The following ZNF366 variants were observed in gnomAD, a reference collection of about 807,000 sequenced individuals.
ZNF366 encodes zinc finger protein 366, also known as dendritic cell-specific transcript protein.
A neutral mutation model predicts 47.2 loss-of-function variants in ZNF366; 20 were observed. The ratio of observed to expected loss-of-function variants is 0.42; its 90% CI spans 0.30 to 0.62. The LOEUF is 0.62. Among genes scored for constraint, ZNF366 ranks in the 20% least tolerant of loss-of-function variants. The probability of loss-of-function intolerance (pLI) is 0.16; values close to 1 mark genes in which losing one functional copy is unlikely to be tolerated. For missense variants in ZNF366, 987 were observed against 976.3 expected, an observed-to-expected ratio of 1.01 and a Z score of -0.15; for synonymous variants, 421 against 395.1, an observed-to-expected ratio of 1.07 and a Z score of -0.78.
intron 1 of ZNF366, among the ~76,000 whole-genome samples, chr5:72,503,774 C>T (rs764475292): frequency 1.3e-5 from 2 of 152,218 alleles, no homozygotes; most frequent in Non-Finnish European, 2.9e-5. Context: ...AACTCAGCTT[C>T]GATTTGTCCC....
intron 1 of ZNF366, among the ~76,000 whole-genome samples, chr5:72,496,149 C>A (rs1230707807): frequency 2.0e-5 from 3 of 151,786 alleles, no homozygotes; most frequent in Admixed American, 6.6e-5. Flanking sequence ...ATATACAATT[C>A]ATATGTTTTA....
Position 72,443,103 on chromosome 5 carries a change from A to G in ZNF366, c.*653T>C, listed in dbSNP as rs1742890026. 2 of 152,226 alleles carry G rather than the reference A, an allele frequency of 1.3e-5. No homozygotes were observed. Among genetic ancestry groups the G allele is most frequent in the African/African-American group, 4.8e-5 (2 of 41,438 alleles). The allele number at this position is 152,226 out of a possible 1,614,324, so 9.4% of individuals were successfully genotyped here. ...TATCATCTGAAAAATAATGCTCCAAATGCTCAATCTGATGAAGACAGCCGA... is the reference window on the plus strand; with the variant it reads ...TATCATCTGAAAAATAATGCTCCAAGTGCTCAATCTGATGAAGACAGCCGA... On this transcript the variant is annotated 3_prime_UTR_variant, in exon 5 of 5. Coordinates refer to ENST00000318442, the MANE Select transcript of ZNF366 (RefSeq NM_152625.3).
intron 1 of ZNF366, among the ~76,000 whole-genome samples, chr5:72,469,342 T>G (rs1743497074): frequency 6.6e-6 from 1 of 152,226 alleles, no homozygotes; most frequent in Admixed American, 6.5e-5. Flanking sequence ...TTACTGAATT[T>G]AAATTAAAAA....
intron 3 of ZNF366, among the ~76,000 whole-genome samples, chr5:72,453,158 G>A (rs555715981): frequency 5.3e-5 from 8 of 152,320 alleles, no homozygotes; most frequent in African/African-American, 1.9e-4. Flanking sequence ...GCACTGGGCT[G>A]GAGAAGATCA....
At chr5:72,476,600 T>A (rs1483563828) in intron 1 of ZNF366, among the ~76,000 whole-genome samples, 1 of 152,180 alleles carries the variant, frequency 6.6e-6, no homozygotes, top group African/African-American at 2.4e-5. Context: ...TTTTTCTGTA[T>A]GTCAAGATTG....
Position 72,470,351 on chromosome 5 carries a change from C to T in ZNF366, c.-14-8841G>A, listed in dbSNP as rs551731109. On this transcript the variant is annotated intron_variant, in intron 1 of 4. Transcript: ENST00000318442. ...TCTTTGACATTTCATTGGCTGTATC[C>T]GCCATATTGCTGCAAGATTCTGCAG... 2.6e-4 allele frequency among the ~76,000 whole-genome samples: 40 copies of T among 152,308 alleles called. No homozygotes were observed. In the South Asian group the frequency reaches 4.8e-3, roughly 18 times the overall value.
Position 72,461,110 on chromosome 5 carries a change from G to A in ZNF366, c.387C>T (p.Ile129=). ...ATTGGAAGCCCACGTTGCACAGGTCGATCATCTGAGAGTCATACTTGGGGC... is the reference window on the plus strand; with the variant it reads ...ATTGGAAGCCCACGTTGCACAGGTCAATCATCTGAGAGTCATACTTGGGGC... The part of the protein sequence containing the change: ...PPRPKYDSQM[I]DLCNVGFQFY... The change falls in exon 2 of 5, where the codon ATC becomes ATT. Residue 129 remains isoleucine, a synonymous_variant. Coordinates refer to ENST00000318442, the MANE Select transcript of ZNF366 (RefSeq NM_152625.3). 1.9e-6 allele frequency: 3 copies of A among 1,614,094 alleles called. No individual in the cohort carries two copies. Among genetic ancestry groups the A allele is most frequent in the Non-Finnish European group, 2.5e-6 (3 of 1,180,018 alleles).
chr5:72,498,954 G>A (rs951751495), intron 1 of ZNF366, among the ~76,000 whole-genome samples: 1 of 152,204 alleles, frequency 6.6e-6, no homozygotes, highest in Non-Finnish European at 1.5e-5. Flanking sequence ...TTAAAGATGT[G>A]ATGCTGAAAT....
intron 1 of ZNF366, among the ~76,000 whole-genome samples, chr5:72,498,243 ATTTAT>A: frequency 6.6e-6 from 1 of 152,178 alleles, no homozygotes; most frequent in East Asian, 1.9e-4. Context: ...TCTATCTGGA[ATTTAT>A]TTTAATTTAA....
chr5:72,452,878 C>G lies in ZNF366; in HGVS notation c.1524+3526G>C, dbSNP rs138922071. ...CCAAATCAACCCCTGTGTGCTTACC[C>G]AGAATCTGGGAAGCATATTTCTGAA... On this transcript the variant is annotated intron_variant, in intron 3 of 4. Coordinates refer to ENST00000318442, the MANE Select transcript of ZNF366 (RefSeq NM_152625.3). Among the ~76,000 whole-genome samples the G allele has an allele frequency of 1.5e-4, 23 of 152,294 alleles. No homozygotes were observed. In the East Asian group the frequency reaches 4.4e-3, roughly 29 times the overall value.
Position 72,461,401 on chromosome 5 carries a change from C to T in ZNF366, c.96G>A (p.Val32=), listed in dbSNP as rs756079960. Residue 32 remains valine (V), a synonymous_variant, in exon 2 of 5, where the codon GTG becomes GTA. Coordinates refer to ENST00000318442, the MANE Select transcript of ZNF366 (RefSeq NM_152625.3). ...TPSFPHCLQP[V]ASRGKAPQRH... ...TTTGGGGAGCCTTTCCCCGAGAAGC[C>T]ACTGGCTGCAGGCAGTGGGGAAAGG... The T allele has an allele frequency of 2.9e-5, 46 of 1,613,566 alleles. No homozygotes were observed. The highest frequency in any genetic ancestry group is 3.5e-5 in the Non-Finnish European group (41 of 1,179,690).
intron 1 of ZNF366, among the ~76,000 whole-genome samples, chr5:72,499,895 C>T (rs1744180311): frequency 6.6e-6 from 1 of 152,198 alleles, no homozygotes; most frequent in Non-Finnish European, 1.5e-5. Context: ...TTTGTCCAGG[C>T]TTCAGCAAAC....
chr5:72,487,711 C>T (rs986013236), intron 1 of ZNF366, among the ~76,000 whole-genome samples: 2 of 152,216 alleles, frequency 1.3e-5, no homozygotes, highest in African/African-American at 2.4e-5. Flanking sequence ...GGCTTAAGCT[C>T]AAGTTCCTAG....
intron 1 of ZNF366, among the ~76,000 whole-genome samples, chr5:72,475,209 T>G (rs2112339508): frequency 6.6e-6 from 1 of 152,290 alleles, no homozygotes; most frequent in South Asian, 2.1e-4. Flanking sequence ...AAGACCTTCC[T>G]GTAGGGCTCA....
chr5:72,505,630 ATGT>A (rs1349203703), intron 1 of ZNF366, among the ~76,000 whole-genome samples: 45 of 152,338 alleles, frequency 3.0e-4, no homozygotes, highest in African/African-American at 1.1e-3. Flanking sequence ...GTGTTCTGTG[ATGT>A]TGTTTTAGTT....
At chr5:72,500,078 C>A (rs1167362083) in intron 1 of ZNF366, among the ~76,000 whole-genome samples, 1 of 152,162 alleles carries the variant, frequency 6.6e-6, no homozygotes, top group Non-Finnish European at 1.5e-5. Flanking sequence ...AAGAGGGAGG[C>A]GTGTGGACTG....
chr5:72,496,005 G>A (rs1414730780), intron 1 of ZNF366, among the ~76,000 whole-genome samples: 7 of 151,108 alleles, frequency 4.6e-5, no homozygotes, highest in Admixed American at 2.6e-4. Flanking sequence ...AAAAATGATA[G>A]CACTCTGTAG....
intron 1 of ZNF366, among the ~76,000 whole-genome samples, chr5:72,499,340 G>A (rs1455191667): frequency 6.6e-6 from 1 of 152,124 alleles, no homozygotes; most frequent in Non-Finnish European, 1.5e-5. Context: ...GACGATGCTG[G>A]GAATAGTCCC....
intron 1 of ZNF366, among the ~76,000 whole-genome samples, chr5:72,464,469 T>C (rs925444812): frequency 6.6e-6 from 1 of 152,230 alleles, no homozygotes; most frequent in Non-Finnish European, 1.5e-5. Flanking sequence ...CCTAATATAA[T>C]GTTAATCTCA....
Sources: gnomAD v4.1 joint callset for allele counts (sites outside exome capture counted in the v4.1 genomes callset) on GRCh38, gnomAD v4.1.1 for gene constraint, MANE v1.5 for transcripts, NCBI Gene and HGNC (gene_info 2026-07-23, HGNC 2026-07-21) for gene names.